Variants in SARS1 observed in about 807,000 individuals in gnomAD.
The protein encoded by SARS1 is serine--tRNA ligase, cytoplasmic.
Under a neutral mutation model 63.7 loss-of-function variants are expected in SARS1, and 25 were observed. That is an observed-to-expected ratio of 0.39 (90% CI 0.29 to 0.55). SARS1 has a LOEUF of 0.55. Among genes scored for constraint, SARS1 ranks in the 20% least tolerant of loss-of-function variants. The pLI is 0.62. For missense variants in SARS1, 417 were observed against 649.7 expected, an observed-to-expected ratio of 0.64 and a Z score of 3.89; for synonymous variants, 231 against 243.5, an observed-to-expected ratio of 0.95 and a Z score of 0.48.
chr1:109,231,747 G>A lies in SARS1; in HGVS notation c.708G>A (p.Glu236=), dbSNP rs1570761786. Residue 236 remains glutamate, a synonymous_variant, in exon 6 of 11, where the codon GAG becomes GAA. Coordinates refer to ENST00000234677, the MANE Select transcript of SARS1 (RefSeq NM_006513.4). ...TCATGAGGAAGGAGGTCATGCAGGA[G>A]GTGGCACAGCTCAGCCAGTTTGATG... ...PFFMRKEVMQ[E]VAQLSQFDEE... The A allele has an allele frequency of 6.3e-7, 1 of 1,586,674 alleles. No individual in the cohort carries two copies. The highest frequency in any genetic ancestry group is 8.6e-7 in the Non-Finnish European group (1 of 1,168,656).
chr1:109,237,104 A>G lies in SARS1; in HGVS notation c.1258-140A>G, dbSNP rs528828479. The G allele has an allele frequency of 7.4e-7, 1 of 1,354,790 alleles. No homozygotes were observed. The highest frequency in any genetic ancestry group is 1.5e-5 in the African/African-American group (1 of 68,394). The allele number at this position is 1,354,790 out of a possible 1,614,324, so 83.9% of individuals were successfully genotyped here. A position where few individuals can be genotyped will look rare whatever the true frequency, so the allele number is the denominator to read the frequency against. Reference sequence around the variant, plus strand: ...ACCAAATAATTCAAATTTAGAAAAAAGTTGCTAAGGGGTAGAACCCATCAT... The same window carrying G: ...ACCAAATAATTCAAATTTAGAAAAAGGTTGCTAAGGGGTAGAACCCATCAT... On this transcript the variant is annotated intron_variant, in intron 9 of 10. Coordinates refer to ENST00000234677, the MANE Select transcript of SARS1 (RefSeq NM_006513.4). The surrounding 1 kb of genome is among the most constrained non-coding windows in gnomAD (Gnocchi z 4.1).
intron 2 of SARS1, among the ~76,000 whole-genome samples, chr1:109,225,356 T>A (rs1369587367): frequency 6.6e-6 from 1 of 152,188 alleles, no homozygotes; most frequent in Non-Finnish European, 1.5e-5. Flanking sequence ...AAAGTGATAT[T>A]GATAATCATC....
chr1:109,231,144 T>G (rs1655203149), intron 5 of SARS1, 123 bp downstream of exon 5: 6 of 566,738 alleles, frequency 1.1e-5, no homozygotes, highest in Non-Finnish European at 1.5e-5. Context: ...ATCTACCAGT[T>G]GTACTTGCCT....
rs1655297256 is a variant in SARS1 at position 109,235,917 on chromosome 1, A to G, written c.970-60A>G. On this transcript the variant is annotated intron_variant, in intron 7 of 10. Coordinates refer to ENST00000234677, the MANE Select transcript of SARS1 (RefSeq NM_006513.4). The surrounding 1 kb of genome is among the most constrained non-coding windows in gnomAD (Gnocchi z 4.7). ...GGTCTTCATGGCAAGGATGTCTCCC[A>G]CTTCAGTCCTTTATTCACCCTATAC... 1.3e-5 allele frequency: 19 copies of G among 1,481,166 alleles called. No homozygotes were observed. The highest frequency in any genetic ancestry group is 1.5e-5 in the Non-Finnish European group (16 of 1,102,554). 91.8% of individuals were successfully genotyped at this position (1,481,166 alleles called of 1,614,324 possible).
At position 109,213,953 on chromosome 1, in the gene SARS1, G is replaced by C. The variant is rs377386188; in HGVS notation, c.-40G>C. 7.6e-5 allele frequency: 119 copies of C among 1,575,236 alleles called. No homozygotes were observed. In the African/African-American group the frequency reaches 9.9e-4, roughly 13 times the overall value. On this transcript the variant is annotated 5_prime_UTR_variant, in exon 1 of 11. Transcript: ENST00000234677. ...GGTCACAGGCTGAGTGCTGCGGCGC[G>C]ATCCTTGCTTCCCTGAGCGTTGGCC...
intron 1 of SARS1, among the ~76,000 whole-genome samples, chr1:109,218,705 C>T (rs1330712408): frequency 1.3e-5 from 2 of 152,168 alleles, no homozygotes; most frequent in Non-Finnish European, 2.9e-5. Flanking sequence ...TGACTGTTGC[C>T]TCTTCCTGGA....
rs565991873 is a variant in SARS1, at chr1:109,235,704, G to A, written c.969+273G>A. On this transcript the variant is annotated intron_variant, in intron 7 of 10. Transcript: ENST00000234677. The surrounding 1 kb of genome is among the most constrained non-coding windows in gnomAD (Gnocchi z 4.7). Reference sequence around the variant, plus strand: ...CTGCCTTTGTATGAGGAGGATAACAGTAACAGTGCCTGCCTCACCAGGCCT... The same window carrying A: ...CTGCCTTTGTATGAGGAGGATAACAATAACAGTGCCTGCCTCACCAGGCCT... Among the ~76,000 whole-genome samples, 1 of 152,330 alleles carries A rather than the reference G, an allele frequency of 6.6e-6. No homozygotes were observed. Among genetic ancestry groups the A allele is most frequent in the South Asian group, 2.1e-4 (1 of 4,830 alleles).
chr1:109,221,943 A>C (rs1654936089), intron 1 of SARS1, among the ~76,000 whole-genome samples: 2 of 124,228 alleles, frequency 1.6e-5, no homozygotes, highest in Admixed American at 8.8e-5. Context: ...ACACACCACC[A>C]TGCTCAGCTA....
At chr1:109,216,408 C>G (rs1441418612) in intron 1 of SARS1, 1 of 985,202 alleles carries the variant, frequency 1.0e-6, no homozygotes, top group Admixed American at 6.2e-5. Context: ...GAACTCACAA[C>G]TCTTCTAACT....
rs370719677 is a variant in SARS1 at position 109,213,971 on chromosome 1, C to T, written c.-22C>T. 53 of 1,601,336 alleles carry T rather than the reference C, an allele frequency of 3.3e-5. No homozygotes were observed. Among genetic ancestry groups the T allele is most frequent in the African/African-American group, 9.4e-5 (7 of 74,364 alleles). On this transcript the variant is annotated 5_prime_UTR_variant, in exon 1 of 11. Transcript: ENST00000234677. ...GCGGCGCGATCCTTGCTTCCCTGAG[C>T]GTTGGCCCGGGAGGAAAGAAGATGG... is the stretch of plus-strand genomic sequence containing the variant.
chr1:109,214,860 A>C lies in SARS1; in HGVS notation c.136+732A>C, dbSNP rs1007559466. ...TTGGGCTAGAACCTGGAACTGCCGG[A>C]TCTTGGAGTCATATCGGGCATCTAT... On this transcript the variant is annotated intron_variant, in intron 1 of 10. Transcript: ENST00000234677. This position sits in a 1 kb window ranked among gnomAD's most constrained non-coding sequence, Gnocchi z 4.6. 1.0e-6 allele frequency: 1 copy of C among 985,384 alleles called. No homozygotes were observed. Among genetic ancestry groups the C allele is most frequent in the African/African-American group, 1.7e-5 (1 of 57,250 alleles). 61.0% of individuals were successfully genotyped at this position (985,384 alleles called of 1,614,324 possible).
In SARS1 at chr1:109,228,394, G is replaced by A. The variant is rs751906543; in HGVS notation, c.250G>A (p.Val84Met). Reference protein sequence around the residue: ...VGDDESVPENVLSFDDLTADA... With the variant: ...VGDDESVPENMLSFDDLTADA... The stretch of plus-strand genomic sequence containing the variant: ...AGATGATGAGTCTGTCCCAGAGAAT[G>A]TGCTGAGTTTCGATGACCTTACTGC... Residue 84 changes from valine to methionine, a missense_variant, in exon 3 of 11, where the codon GTG becomes ATG. Val to Met is a conservative substitution (Grantham distance 21). Around this residue, in one of 3 missense-constraint regions of SARS1, gnomAD observed 359 missense variants for 529.6 expected, o/e 0.68. Coordinates refer to ENST00000234677, the MANE Select transcript of SARS1 (RefSeq NM_006513.4). 1.9e-6 allele frequency: 3 copies of A among 1,613,954 alleles called. No homozygotes were observed. Among genetic ancestry groups the A allele is most frequent in the South Asian group, 2.2e-5 (2 of 91,058 alleles).
In SARS1 at chr1:109,231,009, G is replaced by A; in HGVS notation, c.579G>A (p.Gly193=). 1.9e-5 allele frequency: 29 copies of A among 1,510,760 alleles called. No individual in the cohort carries two copies. Among genetic ancestry groups the A allele is most frequent in the Non-Finnish European group, 2.5e-5 (28 of 1,131,002 alleles). The allele number at this position is 1,510,760 out of a possible 1,614,324, so 93.6% of individuals were successfully genotyped here. A position where few individuals can be genotyped will look rare whatever the true frequency, so the allele number is the denominator to read the frequency against. The change falls in exon 5 of 11, where the codon GGG becomes GGA. Residue 193 remains glycine (G), a synonymous_variant. Transcript: ENST00000234677. Reference sequence around the variant, plus strand: ...GGGCCGTGGTGGCTGGGAGTCGAGGGTACTTCTTGAAGGTAAGAGCTGGGA... The same window carrying A: ...GGGCCGTGGTGGCTGGGAGTCGAGGATACTTCTTGAAGGTAAGAGCTGGGA... ...EKGAVVAGSR[G]YFLKGVLVFL... is the part of the protein sequence containing the mutation.
chr1:109,229,603 C>T lies in SARS1; in HGVS notation c.447+31C>T, dbSNP rs115867281. The T allele has an allele frequency of 9.2e-3, 14,646 of 1,598,920 alleles. 112 individuals carry two copies. Among genetic ancestry groups the T allele is most frequent in the Middle Eastern group, 0.019 (111 of 5,834 alleles). On this transcript the variant is annotated intron_variant, in intron 4 of 10. Transcript: ENST00000234677. ...TGGCTGTGCCGCAGCAGGAGGCTGCCTTAGGTCGCTGCTGTCTCTGCAGGG... is the reference window on the plus strand; with the variant it reads ...TGGCTGTGCCGCAGCAGGAGGCTGCTTTAGGTCGCTGCTGTCTCTGCAGGG...
At position 109,236,558 on chromosome 1, in the gene SARS1, C is replaced by T; in HGVS notation, c.1257+10C>T. On this transcript the variant is annotated intron_variant, in intron 9 of 10. Transcript: ENST00000234677. The stretch of plus-strand genomic sequence containing the variant: ...GAAGATGATGGACAAGGTAGATGGC[C>T]CCCAGGGAGGTGGGAAGCAGAGTCT... 6.3e-7 allele frequency: 1 copy of T among 1,596,728 alleles called. No individual in the cohort carries two copies. The highest frequency in any genetic ancestry group is 8.6e-7 in the Non-Finnish European group (1 of 1,165,526).
intron 1 of SARS1, chr1:109,215,575 G>C (rs1654763719): frequency 1.0e-6 from 1 of 985,004 alleles, no homozygotes; most frequent in Admixed American, 6.2e-5. Flanking sequence ...CCTTGATAAA[G>C]GTTTGTTAGA....
intron 6 of SARS1, among the ~76,000 whole-genome samples, 162 bp downstream of exon 6, chr1:109,231,948 C>G (rs1306217959): frequency 6.6e-6 from 1 of 152,146 alleles, no homozygotes; most frequent in Non-Finnish European, 1.5e-5. Flanking sequence ...ATGGAGGAAG[C>G]ACATTTTTTA....
rs1348976380 is a variant in SARS1, at chr1:109,235,514, G to A, written c.969+83G>A. 1.9e-6 allele frequency: 2 copies of A among 1,078,880 alleles called. No individual in the cohort carries two copies. The highest frequency in any genetic ancestry group is 3.1e-5 in the African/African-American group (2 of 64,084). 66.8% of individuals were successfully genotyped at this position (1,078,880 alleles called of 1,614,324 possible). ...TGAGAGATAGGATCTGTGTTGCTGA[G>A]GCCCATCCTGGCTCCAGCTTTTCCT... On this transcript the variant is annotated intron_variant, in intron 7 of 10. Coordinates refer to ENST00000234677, the MANE Select transcript of SARS1 (RefSeq NM_006513.4). This position sits in a 1 kb window ranked among gnomAD's most constrained non-coding sequence, Gnocchi z 4.7.
At chr1:109,218,535 T>C (rs1247445122) in intron 1 of SARS1, among the ~76,000 whole-genome samples, 2 of 151,958 alleles carry the variant, frequency 1.3e-5, no homozygotes, top group Non-Finnish European at 2.9e-5. Flanking sequence ...AAAGCTACTA[T>C]ATTGGACAGT....
Sources: gnomAD v4.1 joint callset for allele counts (sites outside exome capture counted in the v4.1 genomes callset) on GRCh38, gnomAD v4.1.1 for gene constraint, gnomAD v4.1.1 regional missense constraint, Gnocchi (gnomAD v3.1) non-coding constraint, MANE v1.5 for transcripts, NCBI Gene and HGNC (gene_info 2026-07-23, HGNC 2026-07-21) for gene names.